UMAD1: variants seen among roughly 807,000 people sequenced by gnomAD.
The protein encoded by UMAD1 is UBAP1-MVB12-associated (UMA)-domain containing protein 1.
UMAD1 carries 8 observed loss-of-function variants against 6.1 expected under a neutral mutation model. The observed-to-expected ratio is 1.30, with a 90% CI of 0.76 to 2.35. The LOEUF (loss-of-function observed/expected upper bound fraction) is 2.35, where lower values mean the gene tolerates loss of function less well. UMAD1 is among the 30% of genes most tolerant of loss of function. The pLI, the probability that UMAD1 is intolerant of heterozygous loss-of-function variation, is 0.00. For synonymous variants in UMAD1, 56 were observed against 31.4 expected (o/e 1.78, Z -2.61); for missense variants, 130 against 78.4 (o/e 1.66, Z -2.49).
intron 2 of UMAD1, among the ~76,000 whole-genome samples, chr7:7,714,461 T>C (rs13246995): frequency 0.41 from 61,965 of 152,142 alleles, 13,147 homozygotes; most frequent in Middle Eastern, 0.53. Flanking sequence ...GGAGTACTTA[T>C]AGCTACGAAA....
At chr7:7,714,891 C>T (rs1320140633) in intron 2 of UMAD1, among the ~76,000 whole-genome samples, 2 of 141,230 alleles carry the variant, frequency 1.4e-5, no homozygotes, top group African/African-American at 5.3e-5. Context: ...GTAACACTTG[C>T]AGACCTGTTG....
At chr7:7,703,864 C>T (rs547645215) in intron 2 of UMAD1, among the ~76,000 whole-genome samples, 1 of 152,066 alleles carries the variant, frequency 6.6e-6, no homozygotes, top group Non-Finnish European at 1.5e-5. Flanking sequence ...ATTGCTTGAG[C>T]CTGGGAGGTT....
chr7:7,750,585 A>G (rs1311243030), intron 2 of UMAD1, among the ~76,000 whole-genome samples: 1 of 152,208 alleles, frequency 6.6e-6, no homozygotes, highest in African/African-American at 2.4e-5. Flanking sequence ...TTTAACAAAC[A>G]CATATACAAC....
At chr7:7,760,259 C>T (rs1781859006) in intron 2 of UMAD1, among the ~76,000 whole-genome samples, 1 of 151,894 alleles carries the variant, frequency 6.6e-6, no homozygotes, top group Non-Finnish European at 1.5e-5. Flanking sequence ...CTACCAGTAC[C>T]CTAGAGCAAC....
At chr7:7,775,747 T>C (rs1191721549) in intron 2 of UMAD1, among the ~76,000 whole-genome samples, 1 of 152,192 alleles carries the variant, frequency 6.6e-6, no homozygotes, top group Non-Finnish European at 1.5e-5. Flanking sequence ...TGGCTGTTTG[T>C]AAAGGAGGTA....
At chr7:7,851,293 TTATC>T (rs1156943283) in intron 3 of UMAD1, among the ~76,000 whole-genome samples, 1 of 152,222 alleles carries the variant, frequency 6.6e-6, no homozygotes, top group African/African-American at 2.4e-5. Flanking sequence ...CACATTTTGT[TTATC>T]TATTCATCAG....
At chr7:7,750,518 T>C (rs573267442) in intron 2 of UMAD1, among the ~76,000 whole-genome samples, 10 of 152,174 alleles carry the variant, frequency 6.6e-5, no homozygotes, top group Non-Finnish European at 1.5e-4. Context: ...TTCTTGATTA[T>C]AGCTTCTTTA....
intron 3 of UMAD1, among the ~76,000 whole-genome samples, chr7:7,849,048 C>T (rs1447244182): frequency 1.3e-5 from 2 of 152,078 alleles, no homozygotes; most frequent in East Asian, 1.9e-4. Context: ...TGGGATAATG[C>T]TGAGTATGAT....
At chr7:7,737,098 G>A (rs557514447) in intron 2 of UMAD1, among the ~76,000 whole-genome samples, 64 of 152,352 alleles carry the variant, frequency 4.2e-4, no homozygotes, top group African/African-American at 1.2e-3. Flanking sequence ...CGAATCTGTC[G>A]TCTTTTGGAG....
chr7:7,690,360 C>G (rs1162521497), intron 2 of UMAD1, among the ~76,000 whole-genome samples: 1 of 151,920 alleles, frequency 6.6e-6, no homozygotes, highest in African/African-American at 2.4e-5. Flanking sequence ...TTTCTAGTTA[C>G]AAAATCACTT....
chr7:7,652,650 A>G (rs1785250091), intron 1 of UMAD1, among the ~76,000 whole-genome samples: 1 of 152,190 alleles, frequency 6.6e-6, no homozygotes, highest in South Asian at 2.1e-4. Flanking sequence ...AATTTGGAGA[A>G]AGTGACTTGT....
chr7:7,848,174 T>TA (rs1191178737), intron 3 of UMAD1, among the ~76,000 whole-genome samples: 1 of 152,324 alleles, frequency 6.6e-6, no homozygotes, highest in African/African-American at 2.4e-5. Flanking sequence ...TTCAATTTAC[T>TA]AGTCTCTGTT....
intron 3 of UMAD1, among the ~76,000 whole-genome samples, chr7:7,813,773 C>A (rs145378418): frequency 1.3e-5 from 2 of 152,154 alleles, no homozygotes; most frequent in Non-Finnish European, 2.9e-5. Flanking sequence ...ACCAACCCAT[C>A]GGAGAGCTGT....
At chr7:7,819,207 C>G (rs1048208774) in intron 3 of UMAD1, among the ~76,000 whole-genome samples, 5 of 152,062 alleles carry the variant, frequency 3.3e-5, no homozygotes, top group Non-Finnish European at 5.9e-5. Context: ...TGATTTTTAG[C>G]CCCATAGTAC....
chr7:7,857,530 G>C (rs965884038), intron 3 of UMAD1, among the ~76,000 whole-genome samples: 1 of 152,236 alleles, frequency 6.6e-6, no homozygotes, highest in African/African-American at 2.4e-5. Flanking sequence ...TGACCACAGA[G>C]GACTTGTCTC....
At chr7:7,742,284 T>C (rs1333605228) in intron 2 of UMAD1, 21 of 652,842 alleles carry the variant, frequency 3.2e-5, no homozygotes, top group Non-Finnish European at 5.9e-5. Context: ...TTGTCTTCTG[T>C]CTTCTTCATG....
intron 2 of UMAD1, chr7:7,687,226 A>C (rs1239248140): frequency 6.6e-6 from 1 of 152,192 alleles, no homozygotes; most frequent in Non-Finnish European, 1.5e-5. Flanking sequence ...CAGGCTACTT[A>C]CCATTTCAGC....
intron 1 of UMAD1, among the ~76,000 whole-genome samples, chr7:7,671,766 C>G (rs1290686196): frequency 6.6e-6 from 1 of 151,018 alleles, no homozygotes; most frequent in South Asian, 2.1e-4. Context: ...TAGAGGCCAT[C>G]TCTCCTTGCT....
At chr7:7,834,265 C>G (rs2115307442) in intron 3 of UMAD1, among the ~76,000 whole-genome samples, 1 of 151,996 alleles carries the variant, frequency 6.6e-6, no homozygotes, top group East Asian at 1.9e-4. Context: ...TCAGGTGATC[C>G]ACCCGCCTCA....
Sources: allele counts gnomAD v4.1 joint callset (sites outside exome capture counted in the v4.1 genomes callset), GRCh38; gene constraint gnomAD v4.1.1; transcripts MANE v1.5; gene names NCBI Gene and HGNC (gene_info 2026-07-23, HGNC 2026-07-21).